The following PTPRD variants were observed in gnomAD, a reference collection of about 807,000 sequenced individuals.
The protein encoded by PTPRD is receptor-type tyrosine-protein phosphatase delta.
PTPRD carries 34 observed loss-of-function variants against 214.5 expected under a neutral mutation model. The ratio of observed to expected loss-of-function variants is 0.16; its 90% confidence interval spans 0.12 to 0.21. PTPRD has a LOEUF of 0.21. Among genes scored for constraint, PTPRD ranks in the 10% least tolerant of loss-of-function variants. PTPRD has a pLI of 1.00. For synonymous variants in PTPRD, 1,128 were observed against 845.7 expected, an observed-to-expected ratio of 1.33 and a Z score of -5.79; for missense variants, 2,545 against 2,398.7, an observed-to-expected ratio of 1.06 and a Z score of -1.27.
intron 8 of PTPRD, among the ~76,000 whole-genome samples, chr9:9,481,231 A>T (rs1033982932): frequency 5.3e-5 from 8 of 152,130 alleles, no homozygotes; most frequent in African/African-American, 1.9e-4. Context: ...CTAGTAAAAA[A>T]ATCAGACTTG....
In PTPRD at chr9:8,317,694, C is replaced by G. The variant is rs974268956; in HGVS notation, c.*180G>C. On this transcript the variant is annotated 3_prime_UTR_variant, in exon 46 of 46. Transcript: ENST00000381196. ...TTATTTTTCAGGTTAGATTATTAAA[C>G]TGTGAATTCTTGGTCCACCTGGAAT... 9 of 505,452 alleles carry G rather than the reference C, an allele frequency of 1.8e-5. No homozygotes were observed. Among genetic ancestry groups the G allele is most frequent in the Admixed American group, 3.0e-5 (1 of 33,558 alleles). The allele number at this position is 505,452 out of a possible 1,614,324, so 31.3% of individuals were successfully genotyped here.
At chr9:10,311,340 A>T (rs1013063962) in intron 3 of PTPRD, among the ~76,000 whole-genome samples, 1 of 152,074 alleles carries the variant, frequency 6.6e-6, no homozygotes, top group Admixed American at 6.6e-5. Flanking sequence ...TATATGTACC[A>T]GAATGACTAA....
chr9:8,832,102 ATATGTG>A (rs1005323754), intron 11 of PTPRD, among the ~76,000 whole-genome samples: 2 of 108,406 alleles, frequency 1.8e-5, no homozygotes, highest in Non-Finnish European at 3.7e-5. Context: ...ATGTATGTGT[ATATGTG>A]TGTGTGTGTG....
intron 2 of PTPRD, among the ~76,000 whole-genome samples, chr9:10,411,115 G>C (rs1005117831): frequency 8.6e-5 from 13 of 151,844 alleles, no homozygotes; most frequent in Non-Finnish European, 1.3e-4. Context: ...TTATTGTTCA[G>C]AATGAGATTA....
At chr9:9,839,667 A>G (rs1450457676) in intron 5 of PTPRD, among the ~76,000 whole-genome samples, 3 of 152,054 alleles carry the variant, frequency 2.0e-5, no homozygotes, top group African/African-American at 4.8e-5. Flanking sequence ...CCATCAAGCT[A>G]CCAATGACTT....
chr9:8,902,041 C>G (rs948134558), intron 11 of PTPRD, among the ~76,000 whole-genome samples: 14 of 152,192 alleles, frequency 9.2e-5, no homozygotes, highest in African/African-American at 3.4e-4. Flanking sequence ...CACAATTGCA[C>G]ATACACACAC....
At chr9:10,142,549 G>C (rs1033473440) in intron 3 of PTPRD, among the ~76,000 whole-genome samples, 2 of 151,982 alleles carry the variant, frequency 1.3e-5, no homozygotes, top group African/African-American at 4.8e-5. Context: ...AGCCATCAGA[G>C]AAATGCAAAT....
At chr9:10,489,230 C>T (rs915634117) in intron 2 of PTPRD, among the ~76,000 whole-genome samples, 2 of 152,140 alleles carry the variant, frequency 1.3e-5, no homozygotes, top group African/African-American at 4.8e-5. Context: ...CCTTCTGCCC[C>T]TGGGTGTGTC....
chr9:9,617,374 C>T (rs1203072527), intron 7 of PTPRD, among the ~76,000 whole-genome samples: 1 of 152,052 alleles, frequency 6.6e-6, no homozygotes, highest in Non-Finnish European at 1.5e-5. Context: ...GATTGTACTA[C>T]TGGGTAGGAT....
chr9:10,271,539 C>T (rs370276524), intron 3 of PTPRD, among the ~76,000 whole-genome samples: 2,566 of 37,636 alleles, frequency 0.068, 437 homozygotes, highest in Non-Finnish European at 0.15. Context: ...TGTTTCTTTT[C>T]TTTTCTTTTC....
chr9:9,217,561 C>T lies in PTPRD; in HGVS notation c.-202-34198G>A, dbSNP rs571143492. ...GGCTATGTCGGATCCTTTATCCATT[C>T]AGGACTCCATCTACACAGCTATCTT... On this transcript the variant is annotated intron_variant, in intron 9 of 45. Transcript: ENST00000381196. Among the ~76,000 whole-genome samples, 4 of 150,306 alleles carry T rather than the reference C, an allele frequency of 2.7e-5. No individual in the cohort carries two copies. In the South Asian group the frequency reaches 8.5e-4, roughly 32 times the overall value.
intron 9 of PTPRD, among the ~76,000 whole-genome samples, chr9:9,328,274 T>C (rs981845164): frequency 6.6e-6 from 1 of 152,096 alleles, no homozygotes; most frequent in Admixed American, 6.6e-5. Flanking sequence ...TGCCAAATAG[T>C]GGCATGTAGG....
intron 3 of PTPRD, among the ~76,000 whole-genome samples, chr9:10,050,168 G>A (rs1317813361): frequency 6.6e-6 from 1 of 151,976 alleles, no homozygotes; most frequent in Non-Finnish European, 1.5e-5. Context: ...CAAGAATGAG[G>A]GTGACTAAGA....
chr9:9,778,054 G>C (rs1203914065), intron 5 of PTPRD, among the ~76,000 whole-genome samples: 1 of 152,194 alleles, frequency 6.6e-6, no homozygotes, highest in Non-Finnish European at 1.5e-5. Context: ...TGGCTGAAGA[G>C]ACGCAGCTAG....
intron 10 of PTPRD, among the ~76,000 whole-genome samples, chr9:9,047,999 T>TA (rs755920995): frequency 6.6e-6 from 1 of 152,094 alleles, no homozygotes; most frequent in Admixed American, 6.6e-5. Context: ...AATATTTGAA[T>TA]AGACATTTCT....
chr9:10,403,958 T>C (rs1380202078), intron 2 of PTPRD, among the ~76,000 whole-genome samples: 1 of 151,698 alleles, frequency 6.6e-6, no homozygotes, highest in East Asian at 2.0e-4. Flanking sequence ...ATCCACAGAA[T>C]GTACCACAGC....
At chr9:9,000,706 T>TA (rs1443376780) in intron 11 of PTPRD, among the ~76,000 whole-genome samples, 1 of 151,924 alleles carries the variant, frequency 6.6e-6, no homozygotes, top group Non-Finnish European at 1.5e-5. Flanking sequence ...ATCTGACTGC[T>TA]AAAAAACAGG....
intron 7 of PTPRD, among the ~76,000 whole-genome samples, chr9:9,644,326 T>C (rs1010097369): frequency 6.6e-6 from 1 of 152,152 alleles, no homozygotes; most frequent in Non-Finnish European, 1.5e-5. Context: ...TTTTGTGGTT[T>C]TCTGGGCTTC....
chr9:9,888,110 G>C, intron 5 of PTPRD, among the ~76,000 whole-genome samples: 1 of 152,122 alleles, frequency 6.6e-6, no homozygotes. Flanking sequence ...TCTCCCTTCA[G>C]TCCTAAGGGA....
Sources: gnomAD v4.1 joint callset for allele counts (sites outside exome capture counted in the v4.1 genomes callset) on GRCh38, gnomAD v4.1.1 for gene constraint, MANE v1.5 for transcripts, NCBI Gene and HGNC (gene_info 2026-07-23, HGNC 2026-07-21) for gene names.